Variants in ERCC8 observed in about 807,000 individuals in gnomAD.
ERCC8 encodes ERCC excision repair 8, CSA ubiquitin ligase complex subunit.
A neutral mutation model predicts 54.9 loss-of-function variants in ERCC8; 52 were observed. That is an observed-to-expected ratio of 0.95 (90% CI 0.76 to 1.19). The LOEUF (loss-of-function observed/expected upper bound fraction) is 1.19. Among genes scored for constraint, ERCC8 ranks in the 50% most tolerant of loss-of-function variants. The pLI, the probability that ERCC8 is intolerant of heterozygous loss-of-function variation, is 0.00. For missense variants in ERCC8, 514 were observed against 466.1 expected (o/e 1.10, Z -0.95); for synonymous variants, 146 against 157.2 (o/e 0.93, Z 0.53).
At chr5:60,886,206 T>C (rs909485411) in intron 11 of ERCC8, among the ~76,000 whole-genome samples, 8 of 152,072 alleles carry the variant, frequency 5.3e-5, no homozygotes, top group African/African-American at 1.9e-4. Context: ...ATCTTCCTAC[T>C]GCTTGATGTG....
intron 4 of ERCC8, among the ~76,000 whole-genome samples, chr5:60,907,849 G>A (rs1294680653): frequency 1.3e-5 from 2 of 151,898 alleles, no homozygotes; most frequent in Non-Finnish European, 1.5e-5. Context: ...TATCTCCCAC[G>A]TATTTCTCAA....
At chr5:60,898,023 C>T (rs536390505) in intron 9 of ERCC8, among the ~76,000 whole-genome samples, 9 of 152,190 alleles carry the variant, frequency 5.9e-5, no homozygotes, top group Non-Finnish European at 1.3e-4. Context: ...TTCTCTACTA[C>T]GCTTTGCACT....
Position 60,887,527 on chromosome 5 carries a change from C to G in ERCC8, c.1042-7G>C, listed in dbSNP as rs563850386. The G allele has an allele frequency of 6.2e-7, 1 of 1,607,604 alleles. No individual in the cohort carries two copies. The highest frequency in any genetic ancestry group is 1.7e-5 in the Admixed American group (1 of 60,010). On this transcript the variant is annotated splice_polypyrimidine_tract_variant and splice_region_variant and intron_variant, in intron 10 of 11. Coordinates refer to ENST00000676185, the MANE Select transcript of ERCC8 (RefSeq NM_000082.4). ...TGCTACCACTATAAAGTTCCTATAA[C>G]ATAGAAGGCAAAGATGATACTGTGG...
intron 9 of ERCC8, chr5:60,893,107 T>G: frequency 1.3e-6 from 1 of 775,466 alleles, no homozygotes; most frequent in South Asian, 1.4e-5. Flanking sequence ...AGCTTCTTGT[T>G]GCCTTCTGCC....
intron 1 of ERCC8, chr5:60,932,193 T>C (rs1749928030): frequency 6.6e-6 from 1 of 152,224 alleles, no homozygotes. Context: ...AATAATACTA[T>C]AAAGGGAAAG....
intron 10 of ERCC8, 115 bp downstream of exon 10, chr5:60,890,774 C>A: frequency 1.3e-6 from 1 of 778,784 alleles, no homozygotes; most frequent in Non-Finnish European, 2.2e-6. Context: ...AATCCTACTA[C>A]AAATGTGGAT....
At chr5:60,899,258 T>C (rs930772734) in intron 8 of ERCC8, among the ~76,000 whole-genome samples, 1 of 151,972 alleles carries the variant, frequency 6.6e-6, no homozygotes, top group Non-Finnish European at 1.5e-5. Flanking sequence ...TTAACACAAT[T>C]TTATGTTGAT....
At position 60,937,651 on chromosome 5, in the gene ERCC8, C is replaced by T. The variant is rs950331773; in HGVS notation, c.77+7281G>A. ...TAAAGGGCTGGTTTCACTCCCACTG[C>T]GCCCCTACAACAGCTCTGAGTTTAT... is the stretch of plus-strand genomic sequence containing the variant. On this transcript the variant is annotated intron_variant, in intron 1 of 11. Transcript: ENST00000676185. 7.9e-5 allele frequency among the ~76,000 whole-genome samples: 12 copies of T among 152,170 alleles called. No individual in the cohort carries two copies. The South Asian group carries it at 1.7e-3, about 21-fold the overall frequency.
intron 1 of ERCC8, among the ~76,000 whole-genome samples, chr5:60,939,221 CATATT>C (rs1246608624): frequency 2.0e-5 from 3 of 152,076 alleles, no homozygotes; most frequent in African/African-American, 7.2e-5. Flanking sequence ...ATTTCGCAGC[CATATT>C]ATATATTTCC....
At chr5:60,890,803 G>C in intron 10 of ERCC8, 86 bp downstream of exon 10, 1 of 990,382 alleles carries the variant, frequency 1.0e-6, no homozygotes, top group Non-Finnish European at 1.6e-6. Context: ...TAACTCCTCA[G>C]AATAAAATCA....
At chr5:60,938,090 A>ATATATATATAT (rs1561519206) in intron 1 of ERCC8, among the ~76,000 whole-genome samples, 2 of 21,850 alleles carry the variant, frequency 9.2e-5, no homozygotes, top group Non-Finnish European at 1.0e-4. Flanking sequence ...TATATATTTT[A>ATATATATATAT]TTTTTTTTTT....
intron 11 of ERCC8, among the ~76,000 whole-genome samples, chr5:60,876,156 T>A (rs1579979837): frequency 1.3e-5 from 2 of 152,172 alleles, no homozygotes; most frequent in East Asian, 3.9e-4. Context: ...TGCAATAGTT[T>A]GTTGAGAATG....
intron 11 of ERCC8, among the ~76,000 whole-genome samples, chr5:60,876,491 C>T (rs1022333090): frequency 1.1e-4 from 17 of 152,190 alleles, no homozygotes. Context: ...TTGACAGTCC[C>T]ACCAACAGTG....
chr5:60,879,913 A>T, intron 11 of ERCC8, among the ~76,000 whole-genome samples: 1 of 152,144 alleles, frequency 6.6e-6, no homozygotes, highest in Non-Finnish European at 1.5e-5. Flanking sequence ...TCATGATGAC[A>T]TTAGCTGGTT....
chr5:60,917,779 A>G (rs184693660), intron 4 of ERCC8, among the ~76,000 whole-genome samples: 85 of 152,186 alleles, frequency 5.6e-4, no homozygotes, highest in African/African-American at 2.0e-3. Flanking sequence ...AAATTTGACC[A>G]AATGTCATAC....
At chr5:60,901,367 G>A (rs1748899466) in intron 7 of ERCC8, among the ~76,000 whole-genome samples, 1 of 151,756 alleles carries the variant, frequency 6.6e-6, no homozygotes, top group South Asian at 2.1e-4. Context: ...TTTAATTTCT[G>A]TGGCTTAGTA....
intron 4 of ERCC8, among the ~76,000 whole-genome samples, chr5:60,912,724 G>C (rs893809963): frequency 1.3e-5 from 2 of 152,056 alleles, no homozygotes; most frequent in Non-Finnish European, 2.9e-5. Context: ...TATTGGCTGT[G>C]GGTTTGTCAT....
chr5:60,944,863 G>A, intron 1 of ERCC8, 69 bp downstream of exon 1: 1 of 1,139,502 alleles, frequency 8.8e-7, no homozygotes, highest in Non-Finnish European at 1.3e-6. Context: ...GGAAAGTGTG[G>A]GGCAAAGCTT....
intron 1 of ERCC8, among the ~76,000 whole-genome samples, chr5:60,942,528 G>A (rs1358807517): frequency 6.6e-6 from 1 of 152,082 alleles, no homozygotes; most frequent in Admixed American, 6.5e-5. Flanking sequence ...ATTATGCTGA[G>A]TGAAAGAAGC....
Sources: gnomAD v4.1 joint callset for allele counts (sites outside exome capture counted in the v4.1 genomes callset) on GRCh38, gnomAD v4.1.1 for gene constraint, MANE v1.5 for transcripts, NCBI Gene and HGNC (gene_info 2026-07-23, HGNC 2026-07-21) for gene names.